BCKDHB: variants seen among roughly 807,000 people sequenced by gnomAD.
BCKDHB encodes 2-oxoisovalerate dehydrogenase subunit beta, mitochondrial.
Under a neutral mutation model 48.5 loss-of-function variants are expected in BCKDHB, and 41 were observed. The observed-to-expected ratio is 0.85, with a 90% confidence interval of 0.66 to 1.10. The LOEUF is 1.10. Among genes scored for constraint, BCKDHB ranks in the 50% least tolerant of loss-of-function variants. The pLI is 0.00. For missense variants in BCKDHB, 496 were observed against 494.2 expected (o/e 1.00, Z -0.03); for synonymous variants, 201 against 174.8 (o/e 1.15, Z -1.18).
At chr6:80,390,340 C>G in the BCKDHB span, among the ~76,000 whole-genome samples, 1 of 152,158 alleles carries the variant, frequency 6.6e-6, no homozygotes, top group Non-Finnish European at 1.5e-5. Flanking sequence ...AAAACTCGAC[C>G]TACTGAGGTG....
intron 8 of BCKDHB, among the ~76,000 whole-genome samples, chr6:80,250,870 T>C (rs1428894019): frequency 6.6e-6 from 1 of 152,196 alleles, no homozygotes; most frequent in Non-Finnish European, 1.5e-5. Flanking sequence ...TGAAGTCCAC[T>C]TAGGGTTATG....
At chr6:80,195,608 G>A (rs1224407086) in intron 6 of BCKDHB, among the ~76,000 whole-genome samples, 2 of 152,136 alleles carry the variant, frequency 1.3e-5, no homozygotes, top group East Asian at 3.8e-4. Context: ...ACTTCAAATT[G>A]TGATGATATT....
chr6:80,462,658 A>AT, the BCKDHB span, among the ~76,000 whole-genome samples: 187 of 152,306 alleles, frequency 1.2e-3, no homozygotes, highest in African/African-American at 4.2e-3. Flanking sequence ...TCTTGAAGGC[A>AT]TTATGGCCCC....
chr6:80,137,480 T>C (rs1562077936), intron 3 of BCKDHB, among the ~76,000 whole-genome samples: 1 of 152,196 alleles, frequency 6.6e-6, no homozygotes, highest in Non-Finnish European at 1.5e-5. Context: ...CCTTGAACTC[T>C]TGGGCTCAAG....
At chr6:80,247,731 G>C (rs1776673274) in intron 8 of BCKDHB, among the ~76,000 whole-genome samples, 1 of 152,200 alleles carries the variant, frequency 6.6e-6, no homozygotes. Context: ...AAGGGAAATG[G>C]TTCTTGAGGT....
chr6:80,168,746 G>T, intron 4 of BCKDHB, 129 bp from the exon 5 acceptor site: 1 of 1,031,626 alleles, frequency 9.7e-7, no homozygotes, highest in East Asian at 2.5e-5. Context: ...GAGGGAGGCA[G>T]GGAGGGAGGG....
chr6:80,465,037 T>A, the BCKDHB span, among the ~76,000 whole-genome samples: 1 of 152,266 alleles, frequency 6.6e-6, no homozygotes, highest in African/African-American at 2.4e-5. Flanking sequence ...TTTCCCTGCC[T>A]CTCTTTGGCC....
chr6:80,115,697 C>T (rs111866069), intron 1 of BCKDHB, among the ~76,000 whole-genome samples: 5,248 of 150,970 alleles, frequency 0.035, 307 homozygotes, highest in African/African-American at 0.12. Flanking sequence ...AGTGCAGTGG[C>T]GCGATCTTGG....
At chr6:80,371,734 C>CA in the BCKDHB span, among the ~76,000 whole-genome samples, 1 of 151,946 alleles carries the variant, frequency 6.6e-6, no homozygotes, top group Non-Finnish European at 1.5e-5. Context: ...AATTGTTAAA[C>CA]AGGGTATCTT....
At chr6:80,283,785 A>G (rs1358760302) in intron 9 of BCKDHB, among the ~76,000 whole-genome samples, 1 of 152,114 alleles carries the variant, frequency 6.6e-6, no homozygotes, top group Non-Finnish European at 1.5e-5. Flanking sequence ...GTATTTCAGT[A>G]TGTATATTTT....
chr6:80,429,414 T>C, the BCKDHB span, among the ~76,000 whole-genome samples: 1 of 152,206 alleles, frequency 6.6e-6, no homozygotes, highest in Non-Finnish European at 1.5e-5. Flanking sequence ...GTGAAGAAAG[T>C]CAATGGTAGC....
chr6:80,107,713 T>C (rs560284470), intron 1 of BCKDHB, among the ~76,000 whole-genome samples: 11 of 151,778 alleles, frequency 7.2e-5, no homozygotes, highest in Non-Finnish European at 1.5e-4. Context: ...ACTGAGCTTG[T>C]CCTGGGCTAT....
Position 80,218,036 on chromosome 6 carries a change from G to A in BCKDHB, c.951+14824G>A, listed in dbSNP as rs886112162. On this transcript the variant is annotated intron_variant, in intron 8 of 9. Coordinates refer to ENST00000320393, the MANE Select transcript of BCKDHB (RefSeq NM_183050.4). Reference sequence around the variant, plus strand: ...ATATTTCTCTGAGGCTTGAGTCAGCGCTGTGGCTCTGCTTTGCGTTTTGCT... The same window carrying A: ...ATATTTCTCTGAGGCTTGAGTCAGCACTGTGGCTCTGCTTTGCGTTTTGCT... Among the ~76,000 whole-genome samples the A allele has an allele frequency of 2.6e-5, 4 of 152,144 alleles. No individual in the cohort carries two copies. In the East Asian group the frequency reaches 5.8e-4, roughly 22 times the overall value.
the BCKDHB span, among the ~76,000 whole-genome samples, chr6:80,431,703 G>A: frequency 3.3e-5 from 5 of 152,128 alleles, no homozygotes; most frequent in Admixed American, 2.6e-4. Context: ...TTTATTTTGA[G>A]CCTATGTGCA....
the BCKDHB span, among the ~76,000 whole-genome samples, chr6:80,455,798 T>G: frequency 3.3e-5 from 5 of 152,068 alleles, no homozygotes; most frequent in African/African-American, 1.2e-4. Flanking sequence ...ACATTTTAGG[T>G]GTCTTGTCTT....
chr6:80,372,208 C>T, the BCKDHB span, among the ~76,000 whole-genome samples: 1 of 151,090 alleles, frequency 6.6e-6, no homozygotes, highest in Non-Finnish European at 1.5e-5. Context: ...TAGGTATATT[C>T]CTAAGTATTT....
chr6:80,409,716 G>C, the BCKDHB span, among the ~76,000 whole-genome samples: 2 of 148,230 alleles, frequency 1.3e-5, no homozygotes, highest in Non-Finnish European at 3.0e-5. Context: ...TTGGTTTAAA[G>C]TCTGTTTTAT....
chr6:80,353,447 G>A, the BCKDHB span, among the ~76,000 whole-genome samples: 1 of 152,110 alleles, frequency 6.6e-6, no homozygotes, highest in Non-Finnish European at 1.5e-5. Context: ...AATTCTTTGA[G>A]AAATTTCCAT....
At chr6:80,340,482 A>G (rs1769831014) in intron 9 of BCKDHB, among the ~76,000 whole-genome samples, 1 of 152,190 alleles carries the variant, frequency 6.6e-6, no homozygotes. Context: ...AAGACCATAA[A>G]CGAACACTCC....
Sources: allele counts gnomAD v4.1 joint callset (sites outside exome capture counted in the v4.1 genomes callset), GRCh38; gene constraint gnomAD v4.1.1; transcripts MANE v1.5; gene names NCBI Gene and HGNC (gene_info 2026-07-23, HGNC 2026-07-21).